TLE4: variants seen among roughly 807,000 people sequenced by gnomAD.
The protein encoded by TLE4 is transducin-like enhancer protein 4.
TLE4 carries 8 observed loss-of-function variants against 92.8 expected under a neutral mutation model. The observed-to-expected ratio is 0.09, with a 90% CI of 0.05 to 0.16. The LOEUF is 0.16. Ranked by LOEUF, TLE4 falls within the 10% of genes least tolerant of loss-of-function variation. The pLI is 1.00. For missense variants in TLE4, 675 were observed against 997.6 expected (o/e 0.68, Z 4.36); for synonymous variants, 371 against 374.1 (o/e 0.99, Z 0.10).
intron 8 of TLE4, among the ~76,000 whole-genome samples, chr9:79,670,690 C>A (rs997391707): frequency 6.6e-6 from 1 of 152,166 alleles, no homozygotes; most frequent in Non-Finnish European, 1.5e-5. Context: ...GAACTCTAGA[C>A]AGCCAGTAGG....
At chr9:79,573,017 G>C (rs1271509475) in intron 1 of TLE4, among the ~76,000 whole-genome samples, 182 bp downstream of exon 1, 1 of 152,092 alleles carries the variant, frequency 6.6e-6, no homozygotes, top group Non-Finnish European at 1.5e-5. Context: ...GCCCTCGGAG[G>C]GGGTGCGGAG....
intron 8 of TLE4, among the ~76,000 whole-genome samples, chr9:79,676,953 G>C (rs2063371174): frequency 6.6e-6 from 1 of 152,068 alleles, no homozygotes; most frequent in Non-Finnish European, 1.5e-5. Flanking sequence ...TCATGTGTTT[G>C]AAGATGCATT....
At chr9:79,718,258 C>T (rs1055326174) in intron 14 of TLE4, among the ~76,000 whole-genome samples, 2 of 152,082 alleles carry the variant, frequency 1.3e-5, no homozygotes, top group African/African-American at 4.8e-5. Flanking sequence ...TGATTTTGGC[C>T]TACTCATCTC....
chr9:79,609,011 T>C (rs1482788162), intron 4 of TLE4, among the ~76,000 whole-genome samples: 3 of 152,126 alleles, frequency 2.0e-5, no homozygotes, highest in African/African-American at 2.4e-5. Flanking sequence ...AAATGATTAG[T>C]AAAATTTGTT....
At chr9:79,626,918 G>A (rs915288010) in intron 5 of TLE4, among the ~76,000 whole-genome samples, 1 of 152,106 alleles carries the variant, frequency 6.6e-6, no homozygotes, top group Admixed American at 6.5e-5. Context: ...TGTCCTTCCG[G>A]TGTCTTCGCT....
At chr9:79,698,106 A>C (rs1170467294) in intron 8 of TLE4, among the ~76,000 whole-genome samples, 1 of 152,182 alleles carries the variant, frequency 6.6e-6, no homozygotes. Context: ...GGCAACTTAC[A>C]AGGAAGTGCT....
chr9:79,702,500 T>C (rs2070222570), intron 8 of TLE4, among the ~76,000 whole-genome samples: 1 of 152,202 alleles, frequency 6.6e-6, no homozygotes, highest in Non-Finnish European at 1.5e-5. Flanking sequence ...GACCCAAGTC[T>C]CATGGCTTGG....
At chr9:79,615,803 AC>A (rs1341819590) in intron 5 of TLE4, among the ~76,000 whole-genome samples, 33 of 152,312 alleles carry the variant, frequency 2.2e-4, no homozygotes, top group African/African-American at 7.7e-4. Flanking sequence ...GTTTACTAAA[AC>A]ATTTAAAAAT....
chr9:79,699,335 A>G (rs1352983886), intron 8 of TLE4, among the ~76,000 whole-genome samples: 1 of 152,170 alleles, frequency 6.6e-6, no homozygotes, highest in Non-Finnish European at 1.5e-5. Context: ...CCCATCACCA[A>G]AAACAAACTC....
intron 4 of TLE4, among the ~76,000 whole-genome samples, chr9:79,586,805 A>T (rs1200661057): frequency 1.3e-5 from 2 of 152,144 alleles, no homozygotes; most frequent in East Asian, 1.9e-4. Flanking sequence ...GTTTTAAAAA[A>T]TTTTTTTATT....
At chr9:79,673,728 G>T (rs2062793130) in intron 8 of TLE4, among the ~76,000 whole-genome samples, 1 of 152,118 alleles carries the variant, frequency 6.6e-6, no homozygotes, top group African/African-American at 2.4e-5. Flanking sequence ...TATTGAAGTA[G>T]TAGCATAATT....
In TLE4 at chr9:79,650,185, G is replaced by A. The variant is rs371087364; in HGVS notation, c.391-2408G>A. 2.6e-5 allele frequency among the ~76,000 whole-genome samples: 4 copies of A among 152,022 alleles called. No homozygotes were observed. The East Asian group carries it at 7.7e-4, about 29-fold the overall frequency. On this transcript the variant is annotated intron_variant, in intron 6 of 19. Transcript: ENST00000376552. Reference sequence around the variant, plus strand: ...ACCGCCTCAACTTCCCAAAGTGTTGGGATTACAGGCGTGAGCCACTGCGCC... The same window carrying A: ...ACCGCCTCAACTTCCCAAAGTGTTGAGATTACAGGCGTGAGCCACTGCGCC...
chr9:79,707,184 G>A, intron 11 of TLE4: 2 of 1,612,890 alleles, frequency 1.2e-6, no homozygotes, highest in Non-Finnish European at 1.7e-6. Flanking sequence ...TGCACATTGG[G>A]GTTACAGAGA....
chr9:79,629,683 T>G (rs1305098178), intron 6 of TLE4, among the ~76,000 whole-genome samples: 3 of 152,186 alleles, frequency 2.0e-5, no homozygotes, highest in Non-Finnish European at 4.4e-5. Flanking sequence ...GGAAATCACA[T>G]TATCTGACTA....
At chr9:79,600,386 G>T (rs2045309078) in intron 4 of TLE4, among the ~76,000 whole-genome samples, 1 of 152,122 alleles carries the variant, frequency 6.6e-6, no homozygotes, top group African/African-American at 2.4e-5. Context: ...TTCTCAGCCT[G>T]TCTCGGGTGG....
intron 8 of TLE4, among the ~76,000 whole-genome samples, chr9:79,702,864 C>T (rs141170675): frequency 3.0e-3 from 456 of 152,274 alleles, no homozygotes; most frequent in Non-Finnish European, 4.9e-3. Flanking sequence ...GACCATCAAT[C>T]TTCTTAACAA....
At chr9:79,606,607 A>G (rs2047053242) in intron 4 of TLE4, among the ~76,000 whole-genome samples, 1 of 151,868 alleles carries the variant, frequency 6.6e-6, no homozygotes, top group Admixed American at 6.6e-5. Flanking sequence ...GTTCCCACCT[A>G]TGAGTGAGAA....
intron 8 of TLE4, among the ~76,000 whole-genome samples, chr9:79,654,679 A>C (rs79552916): frequency 2.1e-3 from 310 of 147,536 alleles, no homozygotes; most frequent in African/African-American, 6.9e-3. Context: ...GGAAAGAGGA[A>C]AAGTATTTAA....
chr9:79,624,248 T>G (rs2051883983), intron 5 of TLE4, among the ~76,000 whole-genome samples: 1 of 151,906 alleles, frequency 6.6e-6, no homozygotes, highest in Admixed American at 6.5e-5. Context: ...TGTTCATTTT[T>G]CTCTTTTGTG....
Sources: allele counts gnomAD v4.1 joint callset (sites outside exome capture counted in the v4.1 genomes callset), GRCh38; gene constraint gnomAD v4.1.1; transcripts MANE v1.5; gene names NCBI Gene and HGNC (gene_info 2026-07-23, HGNC 2026-07-21).